LRBA: variants seen among roughly 807,000 people sequenced by gnomAD.
The protein encoded by LRBA is LPS responsive beige-like anchor protein.
A neutral mutation model predicts 330.0 loss-of-function variants in LRBA; 176 were observed. The ratio of observed to expected loss-of-function variants is 0.53; its 90% CI spans 0.47 to 0.60. LRBA has a LOEUF of 0.60. LRBA is among the 20% of genes least tolerant of loss of function. LRBA has a pLI of 0.00. For synonymous variants in LRBA, 1,230 were observed against 1,193.0 expected (o/e 1.03, Z -0.64); for missense variants, 3,259 against 3,444.8 (o/e 0.95, Z 1.35).
chr4:150,281,714 AC>A (rs1747562032), intron 55 of LRBA, among the ~76,000 whole-genome samples: 2 of 152,230 alleles, frequency 1.3e-5, no homozygotes, highest in South Asian at 2.1e-4. Flanking sequence ...AATGAGGACC[AC>A]CCCAGCTTTA....
intron 42 of LRBA, among the ~76,000 whole-genome samples, chr4:150,485,255 T>C (rs1757733588): frequency 6.6e-6 from 1 of 151,908 alleles, no homozygotes; most frequent in South Asian, 2.1e-4. Flanking sequence ...TCTATCCACT[T>C]TTGTCTTATG....
At chr4:150,786,930 G>A (rs1360047731) in intron 34 of LRBA, among the ~76,000 whole-genome samples, 1 of 152,160 alleles carries the variant, frequency 6.6e-6, no homozygotes, top group Non-Finnish European at 1.5e-5. Flanking sequence ...TTTGAGTGCT[G>A]TTAAAAAATA....
At chr4:150,949,297 T>C (rs1736568702) in intron 2 of LRBA, among the ~76,000 whole-genome samples, 1 of 152,112 alleles carries the variant, frequency 6.6e-6, no homozygotes, top group South Asian at 2.1e-4. Flanking sequence ...CACAGCAATC[T>C]AGAAGAATCT....
chr4:150,695,973 A>G (rs1784580340), intron 36 of LRBA, among the ~76,000 whole-genome samples: 1 of 152,174 alleles, frequency 6.6e-6, no homozygotes, highest in African/African-American at 2.4e-5. Context: ...CACACCTCTA[A>G]TTCCAGCACT....
At chr4:150,838,486 A>G (rs901594930) in intron 28 of LRBA, among the ~76,000 whole-genome samples, 3 of 152,036 alleles carry the variant, frequency 2.0e-5, no homozygotes, top group Admixed American at 1.3e-4. Context: ...GGCTTCGTTC[A>G]TTTCTCTTTA....
intron 34 of LRBA, among the ~76,000 whole-genome samples, chr4:150,789,186 G>A (rs1465268243): frequency 5.3e-5 from 8 of 152,074 alleles, no homozygotes; most frequent in Non-Finnish European, 1.2e-4. Flanking sequence ...TATGACCCAT[G>A]ACAGAGACAA....
At chr4:150,530,137 A>T (rs930904681) in intron 40 of LRBA, among the ~76,000 whole-genome samples, 1 of 152,220 alleles carries the variant, frequency 6.6e-6, no homozygotes, top group Non-Finnish European at 1.5e-5. Context: ...TATACTCTTC[A>T]TGGTTCATAC....
At chr4:150,588,423 AT>A (rs1337920555) in intron 39 of LRBA, among the ~76,000 whole-genome samples, 1 of 152,208 alleles carries the variant, frequency 6.6e-6, no homozygotes, top group Non-Finnish European at 1.5e-5. Context: ...CTAGGATGCA[AT>A]TATTTTACAG....
At chr4:150,472,685 T>TA (rs2152069888) in intron 42 of LRBA, among the ~76,000 whole-genome samples, 1 of 152,274 alleles carries the variant, frequency 6.6e-6, no homozygotes, top group Admixed American at 6.5e-5. Context: ...CAATCTACTC[T>TA]GTGTCTCTAG....
At chr4:150,648,177 A>AAAAAAATT (rs1779372610) in intron 37 of LRBA, among the ~76,000 whole-genome samples, 1 of 131,486 alleles carries the variant, frequency 7.6e-6, no homozygotes, top group Non-Finnish European at 1.7e-5. Flanking sequence ...AAAAAAAAAA[A>AAAAAAATT]CTAGAAAAGA....
intron 54 of LRBA, among the ~76,000 whole-genome samples, chr4:150,284,408 A>G (rs902871571): frequency 2.0e-5 from 3 of 152,234 alleles, no homozygotes; most frequent in Non-Finnish European, 4.4e-5. Flanking sequence ...ACTACTCTTG[A>G]TATGTTTTTC....
chr4:150,494,990 A>C (rs1217179338), intron 40 of LRBA, among the ~76,000 whole-genome samples: 1 of 150,220 alleles, frequency 6.7e-6, no homozygotes, highest in Non-Finnish European at 1.5e-5. Flanking sequence ...ACACAGCGAG[A>C]CTCTGTCTCA....
chr4:150,455,346 G>A (rs1023578645), intron 44 of LRBA, among the ~76,000 whole-genome samples: 5 of 151,488 alleles, frequency 3.3e-5, no homozygotes, highest in South Asian at 2.1e-4. Flanking sequence ...TGTTTATTGC[G>A]GCATTATTCA....
intron 53 of LRBA, among the ~76,000 whole-genome samples, chr4:150,289,984 T>TA (rs1425796538): frequency 6.6e-6 from 1 of 152,178 alleles, no homozygotes; most frequent in Non-Finnish European, 1.5e-5. Flanking sequence ...TCGATCTTTT[T>TA]ATGTCTCTGT....
At chr4:150,701,204 G>A (rs1785085995) in intron 36 of LRBA, among the ~76,000 whole-genome samples, 1 of 151,828 alleles carries the variant, frequency 6.6e-6, no homozygotes, top group Non-Finnish European at 1.5e-5. Context: ...AGGGTCTTTG[G>A]GGCAGTAACA....
At chr4:150,378,145 A>G (rs1741641187) in intron 47 of LRBA, among the ~76,000 whole-genome samples, 1 of 152,206 alleles carries the variant, frequency 6.6e-6, no homozygotes, top group Admixed American at 6.5e-5. Flanking sequence ...ATATTTTACT[A>G]ATTAGCATGA....
chr4:150,872,987 C>T (rs1218113710), intron 17 of LRBA, among the ~76,000 whole-genome samples: 1 of 152,072 alleles, frequency 6.6e-6, no homozygotes, highest in Non-Finnish European at 1.5e-5. Context: ...CTTTTCCATG[C>T]ACATACTTAT....
chr4:150,944,964 G>A (rs1057262238), intron 2 of LRBA, among the ~76,000 whole-genome samples: 9 of 152,170 alleles, frequency 5.9e-5, no homozygotes, highest in Admixed American at 6.5e-5. Context: ...CATATAAGAC[G>A]TGCCTTTGTT....
intron 37 of LRBA, among the ~76,000 whole-genome samples, chr4:150,639,736 A>AATATATAT (rs1212252752): frequency 3.9e-5 from 2 of 51,152 alleles, no homozygotes; most frequent in African/African-American, 8.3e-5. Context: ...CTATGCCCCA[A>AATATATAT]ATATATATAT....
Sources: allele counts gnomAD v4.1 joint callset (sites outside exome capture counted in the v4.1 genomes callset), GRCh38; gene constraint gnomAD v4.1.1; transcripts MANE v1.5; gene names NCBI Gene and HGNC (gene_info 2026-07-23, HGNC 2026-07-21).